The following SUCLG2 variants were observed in gnomAD, a reference collection of about 807,000 sequenced individuals.
SUCLG2 encodes the protein succinate--CoA ligase [GDP-forming] subunit beta, mitochondrial.
Under a neutral mutation model 47.9 loss-of-function variants are expected in SUCLG2, and 42 were observed. The ratio of observed to expected loss-of-function variants is 0.88; its 90% CI spans 0.69 to 1.14. The LOEUF (loss-of-function observed/expected upper bound fraction) is 1.14, where lower values mean the gene tolerates loss of function less well. Ranked by LOEUF, SUCLG2 falls within the 50% of genes most tolerant of loss-of-function variation. The pLI is 0.00. For synonymous variants in SUCLG2, 195 were observed against 197.3 expected (o/e 0.99, Z 0.10); for missense variants, 571 against 525.9 (o/e 1.09, Z -0.84).
chr3:67,463,267 C>T (rs1177151918), intron 9 of SUCLG2, among the ~76,000 whole-genome samples: 1 of 152,160 alleles, frequency 6.6e-6, no homozygotes, highest in Non-Finnish European at 1.5e-5. Flanking sequence ...TGCACATTGC[C>T]TGACACACAG....
chr3:67,426,814 A>G (rs982970633), intron 9 of SUCLG2, among the ~76,000 whole-genome samples: 3 of 151,958 alleles, frequency 2.0e-5, no homozygotes, highest in African/African-American at 7.2e-5. Flanking sequence ...TGTAGTCCCA[A>G]CTACCTGGGA....
At chr3:67,602,004 A>AAAAAAC (rs1708431234) in intron 2 of SUCLG2, among the ~76,000 whole-genome samples, 2 of 150,890 alleles carry the variant, frequency 1.3e-5, no homozygotes, top group East Asian at 3.9e-4. Flanking sequence ...TTAAAAATTA[A>AAAAAAC]AAAAATAAAA....
intron 9 of SUCLG2, among the ~76,000 whole-genome samples, chr3:67,490,339 T>A (rs1350414565): frequency 6.6e-6 from 1 of 152,218 alleles, no homozygotes; most frequent in African/African-American, 2.4e-5. Context: ...TACCTGATTC[T>A]GAAAATATGG....
intron 2 of SUCLG2, among the ~76,000 whole-genome samples, chr3:67,554,637 T>C (rs750526467): frequency 1.3e-5 from 2 of 152,148 alleles, no homozygotes; most frequent in Non-Finnish European, 2.9e-5. Context: ...AAATAATACG[T>C]TGAAAACTTT....
At chr3:67,609,627 AT>A in intron 1 of SUCLG2, 31 bp from the exon 2 acceptor site, 1 of 1,599,258 alleles carries the variant, frequency 6.3e-7, no homozygotes, top group Non-Finnish European at 8.5e-7. Flanking sequence ...AGGTAAGAAC[AT>A]TCATTAATAG....
chr3:67,614,799 A>C (rs1275735731), intron 1 of SUCLG2, among the ~76,000 whole-genome samples: 5 of 152,154 alleles, frequency 3.3e-5, no homozygotes, highest in Non-Finnish European at 7.4e-5. Context: ...TGGAGGCCTG[A>C]TGAGGGAAAG....
At chr3:67,468,989 T>A (rs1044634858) in intron 9 of SUCLG2, among the ~76,000 whole-genome samples, 1 of 152,174 alleles carries the variant, frequency 6.6e-6, no homozygotes, top group Admixed American at 6.5e-5. Flanking sequence ...ATAATTACAT[T>A]CAGCTAAGAC....
chr3:67,638,781 T>C (rs1286804333), intron 1 of SUCLG2, among the ~76,000 whole-genome samples: 5 of 152,156 alleles, frequency 3.3e-5, no homozygotes, highest in African/African-American at 7.2e-5. Context: ...TTGTAGCGGA[T>C]GTTGTAAGTG....
chr3:67,594,719 C>T (rs1181192084), intron 2 of SUCLG2, among the ~76,000 whole-genome samples: 1 of 152,116 alleles, frequency 6.6e-6, no homozygotes, highest in Non-Finnish European at 1.5e-5. Flanking sequence ...TCAGAAAATC[C>T]CTTAGCCTGG....
chr3:67,390,606 C>G (rs1016298335), intron 10 of SUCLG2, among the ~76,000 whole-genome samples: 1 of 151,602 alleles, frequency 6.6e-6, no homozygotes, highest in Non-Finnish European at 1.5e-5. Context: ...GCCTTTGTAA[C>G]CAATTGTTTC....
chr3:67,383,184 AG>A (rs1702194801), intron 10 of SUCLG2, among the ~76,000 whole-genome samples: 1 of 152,212 alleles, frequency 6.6e-6, no homozygotes, highest in Non-Finnish European at 1.5e-5. Flanking sequence ...GATACTGACA[AG>A]GGTTTAGATA....
intron 9 of SUCLG2, among the ~76,000 whole-genome samples, chr3:67,489,856 G>C (rs994824495): frequency 6.6e-6 from 1 of 152,118 alleles, no homozygotes; most frequent in Non-Finnish European, 1.5e-5. Context: ...AACAAAACTT[G>C]AGCTATTTCT....
chr3:67,536,722 C>T (rs552174405), intron 2 of SUCLG2, among the ~76,000 whole-genome samples: 1 of 152,276 alleles, frequency 6.6e-6, no homozygotes, highest in Non-Finnish European at 1.5e-5. Context: ...GAGCCCAGTA[C>T]AAATCAAGGA....
chr3:67,535,915 CA>C (rs1416211349), intron 2 of SUCLG2, among the ~76,000 whole-genome samples: 1 of 152,214 alleles, frequency 6.6e-6, no homozygotes, highest in East Asian at 1.9e-4. Flanking sequence ...TCCAGCTAAA[CA>C]AGGTGACACA....
chr3:67,390,516 T>A (rs1358283106), intron 10 of SUCLG2, among the ~76,000 whole-genome samples: 1 of 152,208 alleles, frequency 6.6e-6, no homozygotes, highest in Non-Finnish European at 1.5e-5. Flanking sequence ...AGAACAGAAC[T>A]CACCAACTGA....
intron 9 of SUCLG2, among the ~76,000 whole-genome samples, chr3:67,492,970 G>T (rs1216641372): frequency 6.6e-6 from 1 of 152,146 alleles, no homozygotes; most frequent in East Asian, 1.9e-4. Context: ...CTGCAAATAA[G>T]CAGTTGTAAA....
intron 2 of SUCLG2, among the ~76,000 whole-genome samples, chr3:67,603,977 T>G (rs1196308658): frequency 6.6e-6 from 1 of 152,152 alleles, no homozygotes; most frequent in Non-Finnish European, 1.5e-5. Context: ...CGTAAACAAC[T>G]CCTCCTTTAA....
intron 1 of SUCLG2, among the ~76,000 whole-genome samples, chr3:67,618,794 G>A (rs1288558946): frequency 6.6e-6 from 1 of 152,106 alleles, no homozygotes; most frequent in Non-Finnish European, 1.5e-5. Flanking sequence ...TAATAATGAC[G>A]ATATGGTACC....
chr3:67,509,900 G>C (rs941155481), intron 6 of SUCLG2, among the ~76,000 whole-genome samples: 1 of 152,142 alleles, frequency 6.6e-6, no homozygotes, highest in African/African-American at 2.4e-5. Flanking sequence ...GAGTTTTCTA[G>C]GTTCCTGGGT....
Sources: gnomAD v4.1 joint callset for allele counts (sites outside exome capture counted in the v4.1 genomes callset) on GRCh38, gnomAD v4.1.1 for gene constraint, MANE v1.5 for transcripts, NCBI Gene and HGNC (gene_info 2026-07-23, HGNC 2026-07-21) for gene names.